Variants in IGSF1 observed in about 807,000 individuals in gnomAD.
IGSF1 encodes the protein immunoglobulin-like domain-containing protein 1.
Under a neutral mutation model 95.3 loss-of-function variants are expected in IGSF1, and 40 were observed. The observed-to-expected ratio is 0.42, with a 90% CI of 0.33 to 0.55. The LOEUF (loss-of-function observed/expected upper bound fraction) is 0.55. Ranked by LOEUF, IGSF1 falls within the 20% of genes least tolerant of loss-of-function variation. The probability of loss-of-function intolerance (pLI) is 0.10; values close to 1 mark genes in which losing one functional copy is unlikely to be tolerated. For missense variants in IGSF1, 906 were observed against 1,025.4 expected, an observed-to-expected ratio of 0.88 and a Z score of 1.59; for synonymous variants, 372 against 382.9, an observed-to-expected ratio of 0.97 and a Z score of 0.33.
rs2080589401 is a variant in IGSF1, at chrX:131,283,283, C to A, written c.668-19G>T. ...TAGAGTCCTACAAACGGAAGAGACC[C>A]TAAAGTTAGAGGCAAGATGATTCTT... On this transcript the variant is annotated intron_variant, in intron 5 of 19. Transcript: ENST00000361420. 1.7e-6 allele frequency: 2 copies of A among 1,160,237 alleles called. No individual in the cohort carries two copies. The highest frequency in any genetic ancestry group is 3.6e-5 in the African/African-American group (2 of 55,458).
At chrX:131,276,582 G>A (rs1190932985) in intron 14 of IGSF1, among the ~76,000 whole-genome samples, 3 of 111,075 alleles carry the variant, frequency 2.7e-5, no homozygotes, top group South Asian at 3.9e-4. Flanking sequence ...CCAGCCCACC[G>A]GTCTCTGACA....
rs915465798 is a variant in IGSF1 at position 131,285,458 on chromosome X, G to C, written c.388C>G (p.Pro130Ala). The change falls in exon 5 of 20, where the codon CCC (proline) becomes GCC (alanine). Residue 130 changes from proline to alanine, a missense_variant. By Grantham distance (27) the Pro-to-Ala change is conservative. Transcript: ENST00000361420. ...GCCTGAATCCAGAAGATGGGCTTGGGCAGTTGGCCTGGAAGGATAGAATGA... is the reference window on the plus strand; with the variant it reads ...GCCTGAATCCAGAAGATGGGCTTGGCCAGTTGGCCTGGAAGGATAGAATGA... ...VLELEAPGQL[P>A]KPIFWIQAET... The C allele has an allele frequency of 1.2e-5, 14 of 1,204,184 alleles. No homozygotes were observed. The Middle Eastern group carries it at 9.3e-4, about 80-fold the overall frequency.
chrX:131,287,123 GTATATATACGTATATATGTGTGTA>G (rs1355141351), intron 1 of IGSF1, among the ~76,000 whole-genome samples: 4 of 100,602 alleles, frequency 4.0e-5, no homozygotes, highest in African/African-American at 1.4e-4. Flanking sequence ...ATATATGTGT[GTATATATACGTATATATGTGTGTA>G]TATATATACG....
At position 131,274,102 on chromosome X, in the gene IGSF1, A is replaced by G. The variant is rs1490548625; in HGVS notation, c.3856T>C (p.Trp1286Arg). The G allele has an allele frequency of 8.3e-7, 1 of 1,209,566 alleles. No individual in the cohort carries two copies. The highest frequency in any genetic ancestry group is 1.1e-6 in the Non-Finnish European group (1 of 895,050). The change falls in exon 19 of 20, where the codon TGG (tryptophan) becomes CGG (arginine). Residue 1286 changes from tryptophan to arginine, a missense_variant. By Grantham distance (101) the Trp-to-Arg change is moderately radical (BLOSUM62 -3). Coordinates refer to ENST00000361420, the MANE Select transcript of IGSF1 (RefSeq NM_001555.5). The stretch of plus-strand genomic sequence containing the variant: ...ATTTACCTGGTTCGCAGTCGAGGCC[A>G]CTTCTTCCACTCTATGGCTAGCACT... The part of the protein sequence containing the change: ...GVVLAIEWKK[W>R]PRLRTRGSET...
At chrX:131,276,889 C>T in intron 14 of IGSF1, 50 bp downstream of exon 14, 1 of 1,129,389 alleles carries the variant, frequency 8.9e-7, no homozygotes, top group Non-Finnish European at 1.2e-6. Flanking sequence ...AGCCTTCCAC[C>T]CACCATCCCA....
intron 1 of IGSF1, among the ~76,000 whole-genome samples, 194 bp from the exon 2 acceptor site, chrX:131,286,935 C>G (rs1476672059): frequency 9.1e-6 from 1 of 110,299 alleles, no homozygotes; most frequent in Non-Finnish European, 1.9e-5. Context: ...TTGTTGGTAT[C>G]AAAGATGTCA....
At chrX:131,279,213 C>G in intron 10 of IGSF1, 38 bp from the exon 11 acceptor site, 1 of 1,210,466 alleles carries the variant, frequency 8.3e-7, no homozygotes, top group Non-Finnish European at 1.1e-6. Context: ...GGCCCCCTCC[C>G]CCACCGGGAC....
In IGSF1 at chrX:131,285,784, A is replaced by G; in HGVS notation, c.362T>C (p.Leu121Pro). The G allele has an allele frequency of 3.3e-6, 4 of 1,209,524 alleles. No individual in the cohort carries two copies. Among genetic ancestry groups the G allele is most frequent in the Non-Finnish European group, 4.5e-6 (4 of 894,017 alleles). ...ETGWSKPSKV[L>P]ELEAPGQLPK... Reference sequence around the variant, plus strand: ...CATCTTACCTGGTGCCTCCAACTCTAGAACTTTACTGGGCTTTGACCAGCC... The same window carrying G: ...CATCTTACCTGGTGCCTCCAACTCTGGAACTTTACTGGGCTTTGACCAGCC... The change falls in exon 4 of 20, where the codon CTA becomes CCA. Residue 121 changes from leucine (L) to proline (P), a missense_variant. By Grantham distance (98) the Leu-to-Pro change is moderately conservative. This residue lies in a region of IGSF1 where 442 missense variants were observed against 448.1 expected (regional missense o/e 0.99). Transcript: ENST00000361420.
Position 131,281,689 on chromosome X carries a change from G to C in IGSF1, c.1502C>G (p.Pro501Arg). Reference protein sequence around the residue: ...HPNIWSHRSEPLKLMGPAGYL... With the variant: ...HPNIWSHRSERLKLMGPAGYL... ...ACCTGCTGGCCCCATCAGCTTCAGG[G>C]GCTCACTGCGATGTGACCAGATGTT... is the stretch of plus-strand genomic sequence containing the variant. Residue 501 changes from proline to arginine, a missense_variant, in exon 8 of 20, where the codon CCC (proline) becomes CGC (arginine). By Grantham distance (103) the Pro-to-Arg change is moderately radical. This residue lies in a region of IGSF1 where 442 missense variants were observed against 448.1 expected (regional missense o/e 0.99). Transcript: ENST00000361420. 8.3e-7 allele frequency: 1 copy of C among 1,210,610 alleles called. No individual in the cohort carries two copies. The highest frequency in any genetic ancestry group is 1.8e-5 in the South Asian group (1 of 56,851).
rs755015246 is a variant in IGSF1, at chrX:131,275,138, C to A, written c.3333G>T (p.Arg1111Ser). 5.0e-6 allele frequency: 6 copies of A among 1,209,830 alleles called. No individual in the cohort carries two copies. In the East Asian group the frequency reaches 1.5e-4, roughly 30 times the overall value. ...EGAQEPLEQQRPSGYRADFWM... is the reference protein window; with the variant it reads ...EGAQEPLEQQSPSGYRADFWM... The stretch of plus-strand genomic sequence containing the variant: ...AGAAGTCAGCCCTGTACCCACTTGG[C>A]CTCTGTTGCTCTAAAGGCTCCTGAG... The change falls in exon 17 of 20, where the codon AGG (arginine) becomes AGT (serine). Residue 1111 changes from arginine to serine, a missense_variant. Transcript: ENST00000361420.
rs1270840963 is a variant in IGSF1 at position 131,274,611 on chromosome X, C to T, written c.3739G>A (p.Val1247Met). 13 of 1,209,644 alleles carry T rather than the reference C, an allele frequency of 1.1e-5. No individual in the cohort carries two copies. The South Asian group carries it at 2.1e-4, about 20-fold the overall frequency. Residue 1247 changes from valine (V) to methionine (M), a missense_variant, in exon 18 of 20, where the codon GTG becomes ATG. Val to Met is a conservative substitution (Grantham distance 21). Transcript: ENST00000361420. Reference sequence around the variant, plus strand: ...ATTATTCTCTTACCTGCTGCCCCCACCAGCTCCAGGGGATCACTAGGCTCT... The same window carrying T: ...ATTATTCTCTTACCTGCTGCCCCCATCAGCTCCAGGGGATCACTAGGCTCT... Reference protein sequence around the residue: ...WSEPSDPLELVGAAGPVAQEC... With the variant: ...WSEPSDPLELMGAAGPVAQEC...
chrX:131,282,517 G>A lies in IGSF1; in HGVS notation c.1173C>T (p.Ser391=), dbSNP rs1447514367. 6.7e-6 allele frequency: 8 copies of A among 1,197,364 alleles called. No homozygotes were observed. The highest frequency in any genetic ancestry group is 9.1e-6 in the Non-Finnish European group (8 of 882,158). ...TCTTCCAGGTGAGAAGATAGTGGCA[G>A]CTATAGATGCCAGTATCACTGTAGG... The part of the protein sequence containing the change: ...NVTYSDTGIY[S]CHYLLTWKTS... The change falls in exon 7 of 20, where the codon AGC becomes AGT. Residue 391 remains serine, a synonymous_variant. Coordinates refer to ENST00000361420, the MANE Select transcript of IGSF1 (RefSeq NM_001555.5).
In IGSF1 at chrX:131,274,859, G is replaced by A; in HGVS notation, c.3491C>T (p.Ser1164Phe). 1 of 1,211,551 alleles carries A rather than the reference G, an allele frequency of 8.3e-7. No homozygotes were observed. Among genetic ancestry groups the A allele is most frequent in the Non-Finnish European group, 1.1e-6 (1 of 895,347 alleles). ...IWVTDKPPKP[S>F]LSAWPSTMFK... ...CATGGTGCTGGGCCAGGCTGACAGA[G>A]AGGGTTTAGGGGGCTTATCTGCAAC... The change falls in exon 18 of 20, where the codon TCT (serine) becomes TTT (phenylalanine). Residue 1164 changes from serine to phenylalanine, a missense_variant. Physicochemically the swap from Ser to Phe is radical, Grantham distance 155. This residue lies in a region of IGSF1 where 411 missense variants were observed against 494.9 expected (regional missense o/e 0.83). Coordinates refer to ENST00000361420, the MANE Select transcript of IGSF1 (RefSeq NM_001555.5).
chrX:131,275,303 C>T lies in IGSF1; in HGVS notation c.3185-17G>A, dbSNP rs754014275. Reference sequence around the variant, plus strand: ...GGAGTAAGCCTGGAAGAAATGAACTCCTGGTCAAAGAGAAGAGGTCACTTT... The same window carrying T: ...GGAGTAAGCCTGGAAGAAATGAACTTCTGGTCAAAGAGAAGAGGTCACTTT... On this transcript the variant is annotated splice_polypyrimidine_tract_variant and intron_variant, in intron 16 of 19. Transcript: ENST00000361420. 8.3e-7 allele frequency: 1 copy of T among 1,206,512 alleles called. No homozygotes were observed. Among genetic ancestry groups the T allele is most frequent in the African/African-American group, 1.7e-5 (1 of 57,660 alleles).
intron 4 of IGSF1, 23 bp downstream of exon 4, chrX:131,285,744 C>T: frequency 8.5e-7 from 1 of 1,177,674 alleles, no homozygotes; most frequent in African/African-American, 1.8e-5. Flanking sequence ...GGAGTTGATT[C>T]TTGAGTATCA....
chrX:131,281,301 G>C lies in IGSF1; in HGVS notation c.1563C>G (p.Ile521Met). The change falls in exon 9 of 20, where the codon ATC becomes ATG. Residue 521 changes from isoleucine (I) to methionine (M), a missense_variant. Transcript: ENST00000361420. ...CAAGCTGCATGATTAGAGACAACCT[G>C]ATAGCTTCATTCAGAACGTAATTCC... ...LTWNYVLNEA[I>M]RLSLIMQLVA... 8.3e-7 allele frequency: 1 copy of C among 1,210,723 alleles called. No homozygotes were observed. The highest frequency in any genetic ancestry group is 1.8e-5 in the South Asian group (1 of 56,927).
In IGSF1 at chrX:131,285,933, C is replaced by T. The variant is rs770315683; in HGVS notation, c.213G>A (p.Leu71=). The change falls in exon 4 of 20, where the codon CTG becomes CTA. Residue 71 remains leucine, a synonymous_variant. Transcript: ENST00000361420. ...PSRISSKFLL[L]KDKTQMTWIR... The stretch of plus-strand genomic sequence containing the variant: ...TCCAGGTCATCTGTGTCTTATCCTT[C>T]AGCAGCAGGAACTTGCTTGATATCC... The T allele has an allele frequency of 2.0e-5, 24 of 1,209,805 alleles. No homozygotes were observed. The highest frequency in any genetic ancestry group is 2.2e-5 in the Non-Finnish European group (20 of 895,138).
rs745344236 is a variant in IGSF1 at position 131,281,931 on chromosome X, T to A, written c.1260A>T (p.Lys420Asn). 24 of 1,201,358 alleles carry A rather than the reference T, an allele frequency of 2.0e-5. No homozygotes were observed. The highest frequency in any genetic ancestry group is 2.7e-5 in the Non-Finnish European group (24 of 889,969). The change falls in exon 8 of 20, where the codon AAA (lysine) becomes AAT (asparagine). Residue 420 changes from lysine to asparagine, a missense_variant. This residue lies in a region of IGSF1 where 442 missense variants were observed against 448.1 expected (regional missense o/e 0.99). Transcript: ENST00000361420. ...TGCTTGGCCAAGCTGACAGGGAGGG[T>A]TTGGGGGGCTTATCTGAAACCAATC... Reference protein sequence around the residue: ...VELMVVDKPPKPSLSAWPSTV... With the variant: ...VELMVVDKPPNPSLSAWPSTV...
At chrX:131,284,771 CATAAAA>C (rs1370793704) in intron 5 of IGSF1, 32 of 810,314 alleles carry the variant, frequency 3.9e-5, no homozygotes, top group Non-Finnish European at 4.3e-5. Flanking sequence ...GTTTTCCACA[CATAAAA>C]ATAACAATTA....
Sources: gnomAD v4.1 joint callset for allele counts (sites outside exome capture counted in the v4.1 genomes callset) on GRCh38, gnomAD v4.1.1 for gene constraint, gnomAD v4.1.1 regional missense constraint, MANE v1.5 for transcripts, NCBI Gene and HGNC (gene_info 2026-07-23, HGNC 2026-07-21) for gene names.